IL6ST: variants seen among roughly 807,000 people sequenced by gnomAD.
The protein encoded by IL6ST is interleukin-6 receptor subunit beta.
In IL6ST, 24 loss-of-function variants were observed where a neutral mutation model predicts 91.3. The ratio of observed to expected loss-of-function variants is 0.26; its 90% CI spans 0.19 to 0.37. The LOEUF is 0.37. IL6ST is among the 10% of genes least tolerant of loss of function. The probability of loss-of-function intolerance (pLI) is 1.00; values close to 1 mark genes in which losing one functional copy is unlikely to be tolerated. For synonymous variants in IL6ST, 351 were observed against 373.6 expected (o/e 0.94, Z 0.70); for missense variants, 914 against 1,078.5 (o/e 0.85, Z 2.14).
At chr5:55,990,558 A>G (rs1754262422) in intron 1 of IL6ST, among the ~76,000 whole-genome samples, 1 of 152,212 alleles carries the variant, frequency 6.6e-6, no homozygotes, top group Non-Finnish European at 1.5e-5. Flanking sequence ...TTCTTTGAAG[A>G]CATGACTTCA....
Position 55,940,123 on chromosome 5 carries a change from A to ATATGTGTGTGTG in IL6ST, c.*958_*959insCACACACACATA, listed in dbSNP as rs1750794837. On this transcript the variant is annotated 3_prime_UTR_variant, in exon 17 of 17. Coordinates refer to ENST00000381298, the MANE Select transcript of IL6ST (RefSeq NM_002184.4). ...TCTGAAGTCTTAAGAAAAGTCAATG[A>ATATGTGTGTGTG]TATGTGTGTGTATATATATATATAT... 7 of 53,752 alleles carry ATATGTGTGTGTG rather than the reference A, an allele frequency of 1.3e-4. No individual in the cohort carries two copies. In the South Asian group the frequency reaches 0.012, roughly 94 times the overall value. The allele number at this position is 53,752 out of a possible 1,614,324, so 3.3% of individuals were successfully genotyped here.
At position 55,954,950 on chromosome 5, in the gene IL6ST, T is replaced by C; in HGVS notation, c.1310A>G (p.Asn437Ser). 6.2e-7 allele frequency: 1 copy of C among 1,611,240 alleles called. No individual in the cohort carries two copies. Among genetic ancestry groups the C allele is most frequent in the Middle Eastern group, 1.7e-4 (1 of 6,060 alleles). Residue 437 changes from asparagine (N) to serine (S), a missense_variant, in exon 11 of 17, where the codon AAC becomes AGC. Coordinates refer to ENST00000381298, the MANE Select transcript of IL6ST (RefSeq NM_002184.4). ...AGTAGTCCATTCCACCCAAAGCATG[T>C]TATCTTTGGGGAATGCTTTAAGATC... Reference protein sequence around the residue: ...VMDLKAFPKDNMLWVEWTTPR... With the variant: ...VMDLKAFPKDSMLWVEWTTPR...
Position 55,953,353 on chromosome 5 carries a change from A to C in IL6ST, c.1451-1002T>G, listed in dbSNP as rs543964272. Among the ~76,000 whole-genome samples the C allele has an allele frequency of 2.0e-5, 3 of 152,302 alleles. No individual in the cohort carries two copies. In the South Asian group the frequency reaches 6.2e-4, roughly 32 times the overall value. On this transcript the variant is annotated intron_variant, in intron 11 of 16. Transcript: ENST00000381298. The stretch of plus-strand genomic sequence containing the variant: ...TTTCAGGGTTACTGAGCAACATACG[A>C]CTACCTACCCAAACTTAATGTCTCC...
chr5:55,942,611 T>A, intron 16 of IL6ST, 59 bp downstream of exon 16: 1 of 852,474 alleles, frequency 1.2e-6, no homozygotes, highest in Non-Finnish European at 2.0e-6. Flanking sequence ...CTGTAGATAC[T>A]CAATATACCT....
intron 8 of IL6ST, among the ~76,000 whole-genome samples, chr5:55,958,101 A>G (rs570078793): frequency 1.2e-4 from 19 of 152,336 alleles, no homozygotes; most frequent in African/African-American, 4.3e-4. Context: ...AAAGCAATCC[A>G]TAAAACATAG....
intron 1 of IL6ST, among the ~76,000 whole-genome samples, chr5:55,986,626 T>A (rs904332380): frequency 1.3e-5 from 2 of 152,220 alleles, no homozygotes; most frequent in African/African-American, 4.8e-5. Context: ...TCTTGACTGT[T>A]CTTTGTTCCT....
intron 9 of IL6ST, among the ~76,000 whole-genome samples, chr5:55,956,777 T>C (rs897774381): frequency 8.5e-5 from 13 of 152,206 alleles, no homozygotes; most frequent in African/African-American, 2.4e-4. Context: ...ACCTTTCTAT[T>C]TAGTAAAAAT....
rs1027424297 is a variant in IL6ST at position 55,964,261 on chromosome 5, T to C, written c.543A>G (p.Ser181=). The C allele has an allele frequency of 1.2e-6, 2 of 1,612,176 alleles. No individual in the cohort carries two copies. The highest frequency in any genetic ancestry group is 1.7e-6 in the Non-Finnish European group (2 of 1,178,718). ...DCKAKRDTPT[S]CTVDYSTVYF... ...ACACAGTAGAATAATCAACAGTGCA[T>C]GAGGTGGGGGTGTCACGTTTTGCTT... is the stretch of plus-strand genomic sequence containing the variant. Residue 181 remains serine (S), a synonymous_variant, in exon 6 of 17, where the codon TCA becomes TCG. Coordinates refer to ENST00000381298, the MANE Select transcript of IL6ST (RefSeq NM_002184.4).
chr5:55,959,536 CTTACT>C (rs1380934748), intron 8 of IL6ST: 8 of 508,860 alleles, frequency 1.6e-5, no homozygotes, highest in Admixed American at 1.0e-4. Flanking sequence ...CAGTGAGGAT[CTTACT>C]TTAGACTGTA....
chr5:55,989,353 C>T (rs1196705139), intron 1 of IL6ST, among the ~76,000 whole-genome samples: 1 of 151,812 alleles, frequency 6.6e-6, no homozygotes, highest in Non-Finnish European at 1.5e-5. Context: ...CAACTGGCTC[C>T]ATAAGCAAAA....
Position 55,991,221 on chromosome 5 carries a change from T to C in IL6ST, c.-104+3563A>G, listed in dbSNP as rs1057380114. 3.9e-5 allele frequency among the ~76,000 whole-genome samples: 6 copies of C among 152,238 alleles called. 1 individual carries two copies. The highest frequency in any genetic ancestry group is 8.8e-5 in the Non-Finnish European group (6 of 68,042). On this transcript the variant is annotated intron_variant, in intron 1 of 16. Transcript: ENST00000381298. ...ACATACGTGTGCATGTATGTCTTTA[T>C]AGCAGCATGATTTATAATCCTTTGG... is the stretch of plus-strand genomic sequence containing the variant.
At chr5:55,947,828 T>G (rs1751369015) in intron 14 of IL6ST, among the ~76,000 whole-genome samples, 1 of 152,154 alleles carries the variant, frequency 6.6e-6, no homozygotes, top group Non-Finnish European at 1.5e-5. Context: ...GCATAAAATA[T>G]ATGTTGGTTG....
intron 1 of IL6ST, among the ~76,000 whole-genome samples, chr5:55,993,826 G>C (rs1484021707): frequency 1.3e-5 from 2 of 152,132 alleles, no homozygotes; most frequent in African/African-American, 4.8e-5. Context: ...ATGGCACACA[G>C]CTAAACTGAT....
chr5:55,958,604 G>A (rs1000474379), intron 8 of IL6ST, among the ~76,000 whole-genome samples: 3 of 152,074 alleles, frequency 2.0e-5, no homozygotes, highest in Non-Finnish European at 4.4e-5. Context: ...TTGGGAGGCC[G>A]AGGGATGTGG....
At chr5:55,992,446 T>A (rs1336030664) in intron 1 of IL6ST, among the ~76,000 whole-genome samples, 1 of 152,228 alleles carries the variant, frequency 6.6e-6, no homozygotes, top group East Asian at 1.9e-4. Flanking sequence ...TTCTTGTGCC[T>A]GGGTTTCCCT....
chr5:55,968,418 C>A, intron 4 of IL6ST, 22 bp from the exon 5 acceptor site: 1 of 1,606,770 alleles, frequency 6.2e-7, no homozygotes, highest in African/African-American at 1.3e-5. Flanking sequence ...TAATTAGCAT[C>A]TTTCAGAAAG....
At position 55,985,143 on chromosome 5, in the gene IL6ST, G is replaced by A. The variant is rs185870113; in HGVS notation, c.-103-2332C>T. Among the ~76,000 whole-genome samples, 12 of 152,186 alleles carry A rather than the reference G, an allele frequency of 7.9e-5. No homozygotes were observed. The East Asian group carries it at 9.7e-4, about 12-fold the overall frequency. ...CATTCTTTTAACAGTATCTTTTGAC[G>A]AATAGGAGGTTTAATTTTAATAAAG... On this transcript the variant is annotated intron_variant, in intron 1 of 16. Transcript: ENST00000381298.
chr5:55,969,267 T>C (rs995489946), intron 4 of IL6ST, among the ~76,000 whole-genome samples: 11 of 152,144 alleles, frequency 7.2e-5, no homozygotes, highest in Non-Finnish European at 2.9e-5. Context: ...TCTCAGCAAT[T>C]AAGGGATACT....
Position 55,964,297 on chromosome 5 carries a change from A to T in IL6ST, c.507T>A (p.Phe169Leu), listed in dbSNP as rs772835541. The change falls in exon 6 of 17, where the codon TTT (phenylalanine) becomes TTA (leucine). Residue 169 changes from phenylalanine to leucine, a missense_variant. Coordinates refer to ENST00000381298, the MANE Select transcript of IL6ST (RefSeq NM_002184.4). ...TGTCACGTTTTGCTTTGCAATCAGC[A>T]AACTTGTGTGTTGCCCTAAATACAA... ...TLKSEWATHK[F>L]ADCKAKRDTP... The T allele has an allele frequency of 3.7e-6, 6 of 1,610,540 alleles. No individual in the cohort carries two copies. The East Asian group carries it at 1.3e-4, about 36-fold the overall frequency.
Sources: gnomAD v4.1 joint callset for allele counts (sites outside exome capture counted in the v4.1 genomes callset) on GRCh38, gnomAD v4.1.1 for gene constraint, MANE v1.5 for transcripts, NCBI Gene and HGNC (gene_info 2026-07-23, HGNC 2026-07-21) for gene names.